The following GYS1 variants were observed in gnomAD, a reference collection of about 807,000 sequenced individuals.
The protein encoded by GYS1 is glycogen [starch] synthase, muscle.
Under a neutral mutation model 89.1 loss-of-function variants are expected in GYS1, and 60 were observed. The observed-to-expected ratio is 0.67, with a 90% CI of 0.55 to 0.84. GYS1 has a LOEUF of 0.84. GYS1 is among the 40% of genes least tolerant of loss of function. GYS1 has a pLI of 0.00. For synonymous variants in GYS1, 366 were observed against 401.7 expected, an observed-to-expected ratio of 0.91 and a Z score of 1.06; for missense variants, 888 against 1,003.1, an observed-to-expected ratio of 0.89 and a Z score of 1.55.
chr19:48,993,227 C>T lies in GYS1; in HGVS notation c.-115G>A, dbSNP rs766185038. 13 of 765,540 alleles carry T rather than the reference C, an allele frequency of 1.7e-5. No homozygotes were observed. Among genetic ancestry groups the T allele is most frequent in the African/African-American group, 1.4e-4 (8 of 59,040 alleles). The allele number at this position is 765,540 out of a possible 1,614,324, so 47.4% of individuals were successfully genotyped here. A position where few individuals can be genotyped will look rare whatever the true frequency, so the allele number is the denominator to read the frequency against. On this transcript the variant is annotated 5_prime_UTR_variant, in exon 1 of 16. Coordinates refer to ENST00000323798, the MANE Select transcript of GYS1 (RefSeq NM_002103.5). ...TAGCTGGTGCCCGACGGGAAGCTTG[C>T]AAGACGCTCGGCTTCCTATTGCAAG... is the stretch of plus-strand genomic sequence containing the variant.
chr19:48,976,512 CA>C (rs2038654786), intron 10 of GYS1, among the ~76,000 whole-genome samples: 1 of 152,054 alleles, frequency 6.6e-6, no homozygotes, highest in African/African-American at 2.4e-5. Context: ...CTACAATTCC[CA>C]GGGGTGTCTG....
chr19:48,982,819 C>A lies in GYS1; in HGVS notation c.842G>T (p.Gly281Val). ...KRKPDIVTPNGLNVKKFSAMH... is the reference protein window; with the variant it reads ...KRKPDIVTPNVLNVKKFSAMH... Reference sequence around the variant, plus strand: ...GGCAGAAAACTTCTTCACATTCAGCCCATTGGGGGTCACAATATCTGGGAT... The same window carrying A: ...GGCAGAAAACTTCTTCACATTCAGCACATTGGGGGTCACAATATCTGGGAT... The change falls in exon 6 of 16, where the codon GGG (glycine) becomes GTG (valine). Residue 281 changes from glycine to valine, a missense_variant. Physicochemically the swap from Gly to Val is moderately radical, Grantham distance 109 (BLOSUM62 -3). Transcript: ENST00000323798. 2 of 1,608,110 alleles carry A rather than the reference C, an allele frequency of 1.2e-6. No individual in the cohort carries two copies. Among genetic ancestry groups the A allele is most frequent in the Non-Finnish European group, 1.7e-6 (2 of 1,174,498 alleles).
chr19:48,980,677 A>T (rs2038745960), intron 8 of GYS1, among the ~76,000 whole-genome samples: 1 of 149,190 alleles, frequency 6.7e-6, no homozygotes, highest in South Asian at 2.1e-4. Context: ...AAAAAAAATC[A>T]GAGAAAAGAA....
chr19:48,970,730 G>C (rs1600130453), intron 13 of GYS1, 21 bp from the exon 14 acceptor site: 2 of 1,612,336 alleles, frequency 1.2e-6, no homozygotes, highest in East Asian at 2.2e-5. Flanking sequence ...CAGGACCCAG[G>C]TTCAGAAAAC....
At position 48,991,473 on chromosome 19, in the gene GYS1, G is replaced by C. The variant is rs2038925273; in HGVS notation, c.129C>G (p.Ile43Met). ...AWEVANKVGG[I>M]YTVLQTKAKV... ...TCGCCTTCGTCTGCAGCACCGTGTA[G>C]ATGCCACCCACTGTGGGCCCAAGCG... Residue 43 changes from isoleucine (I) to methionine (M), a missense_variant, in exon 2 of 16, where the codon ATC (isoleucine) becomes ATG (methionine). Physicochemically the swap from Ile to Met is conservative, Grantham distance 10. Transcript: ENST00000323798. The surrounding 1 kb of genome is among the most constrained non-coding windows in gnomAD (Gnocchi z 4.7). 1.2e-6 allele frequency: 2 copies of C among 1,612,054 alleles called. No individual in the cohort carries two copies. Among genetic ancestry groups the C allele is most frequent in the Non-Finnish European group, 1.7e-6 (2 of 1,178,866 alleles).
At chr19:48,982,651 C>T (rs2038784947) in intron 6 of GYS1, 69 bp downstream of exon 6, 1 of 1,162,272 alleles carries the variant, frequency 8.6e-7, no homozygotes, top group Non-Finnish European at 1.3e-6. Context: ...GCTGCCCCCT[C>T]CCCCAGACCT....
At chr19:48,989,039 CCTTCCTTG>C (rs930546718) in intron 2 of GYS1, among the ~76,000 whole-genome samples, 5 of 152,040 alleles carry the variant, frequency 3.3e-5, no homozygotes, top group African/African-American at 1.2e-4. Context: ...CTCCTTCCTT[CCTTCCTTG>C]CTTCCTTCCT....
At chr19:48,969,752 G>T in intron 15 of GYS1, 23 bp downstream of exon 15, 1 of 1,608,056 alleles carries the variant, frequency 6.2e-7, no homozygotes, top group Non-Finnish European at 8.5e-7. Flanking sequence ...TCCTGGCTAA[G>T]CAGAAATCCA....
At chr19:48,990,647 C>T (rs2038911969) in intron 2 of GYS1, among the ~76,000 whole-genome samples, 1 of 152,208 alleles carries the variant, frequency 6.6e-6, no homozygotes, top group African/African-American at 2.4e-5. Flanking sequence ...CTGTTTCCTC[C>T]TCCCAGCACC....
chr19:48,976,341 T>C (rs540026446), intron 10 of GYS1, among the ~76,000 whole-genome samples: 28 of 152,172 alleles, frequency 1.8e-4, no homozygotes, highest in Admixed American at 1.8e-3. Flanking sequence ...GAAAGAACTC[T>C]AACTCCCAGA....
At chr19:48,983,613 C>T (rs578059543) in intron 5 of GYS1, among the ~76,000 whole-genome samples, 21 of 152,298 alleles carry the variant, frequency 1.4e-4, no homozygotes, top group Admixed American at 5.9e-4. Context: ...CCCCCATCAG[C>T]GCCTAGGGCA....
rs973667510 is a variant in GYS1 at position 48,969,229 on chromosome 19, T to A, written c.*59A>T. On this transcript the variant is annotated 3_prime_UTR_variant, in exon 16 of 16. Coordinates refer to ENST00000323798, the MANE Select transcript of GYS1 (RefSeq NM_002103.5). ...AGCGGGGGTTTAGGAGCAGCACCCC[T>A]CTGCATCCTCTCTCTGGAGCAGAGA... is the stretch of plus-strand genomic sequence containing the variant. 9.6e-6 allele frequency: 14 copies of A among 1,451,690 alleles called. No individual in the cohort carries two copies. The East Asian group carries it at 3.5e-4, about 36-fold the overall frequency. The allele number at this position is 1,451,690 out of a possible 1,614,324, so 89.9% of individuals were successfully genotyped here.
intron 7 of GYS1, among the ~76,000 whole-genome samples, chr19:48,981,994 G>A (rs769845296): frequency 2.6e-5 from 4 of 152,120 alleles, no homozygotes; most frequent in Admixed American, 6.6e-5. Context: ...CCGGGCTCGC[G>A]TGATCCTCCC....
intron 10 of GYS1, among the ~76,000 whole-genome samples, chr19:48,977,053 T>C (rs1432453619): frequency 1.3e-5 from 2 of 151,956 alleles, no homozygotes; most frequent in Admixed American, 1.3e-4. Flanking sequence ...CCTCCCAAAG[T>C]GCTGGGAATA....
At chr19:48,974,489 C>T in intron 11 of GYS1, 131 bp downstream of exon 11, 1 of 1,066,344 alleles carries the variant, frequency 9.4e-7, no homozygotes, top group South Asian at 1.3e-5. Flanking sequence ...CTGCCTGCCT[C>T]AGAAGCCAGG....
intron 2 of GYS1, among the ~76,000 whole-genome samples, chr19:48,990,694 A>T (rs1397075146): frequency 6.6e-6 from 1 of 152,218 alleles, no homozygotes; most frequent in Non-Finnish European, 1.5e-5. Context: ...TCCATTAGCC[A>T]AGGACACACA....
At chr19:48,984,367 T>C (rs939719072) in intron 5 of GYS1, among the ~76,000 whole-genome samples, 4 of 150,130 alleles carry the variant, frequency 2.7e-5, no homozygotes, top group Non-Finnish European at 1.5e-5. Flanking sequence ...ATGAGTCCAA[T>C]TTTGGATTTT....
chr19:48,981,412 AAAACAAACAAAC>A (rs141012491), intron 8 of GYS1, 106 bp downstream of exon 8: 4 of 725,034 alleles, frequency 5.5e-6, no homozygotes, highest in African/African-American at 3.5e-5. Context: ...GACTGTCTCA[AAAACAAACAAAC>A]AAACAAACAA....
intron 12 of GYS1, among the ~76,000 whole-genome samples, chr19:48,971,422 T>G: frequency 6.6e-6 from 1 of 152,114 alleles, no homozygotes; most frequent in East Asian, 1.9e-4. Context: ...TCTATTTTGA[T>G]GGGGGGTAAG....
Sources: gnomAD v4.1 joint callset for allele counts (sites outside exome capture counted in the v4.1 genomes callset) on GRCh38, gnomAD v4.1.1 for gene constraint, Gnocchi (gnomAD v3.1) non-coding constraint, MANE v1.5 for transcripts, NCBI Gene and HGNC (gene_info 2026-07-23, HGNC 2026-07-21) for gene names.